NOS1AP: variants seen among roughly 807,000 people sequenced by gnomAD.
NOS1AP encodes the protein carboxyl-terminal PDZ ligand of neuronal nitric oxide synthase protein.
A neutral mutation model predicts 56.2 loss-of-function variants in NOS1AP; 21 were observed. That is an observed-to-expected ratio of 0.37 (90% CI 0.26 to 0.54). The LOEUF is 0.54. Ranked by LOEUF, NOS1AP falls within the 20% of genes least tolerant of loss-of-function variation. NOS1AP has a pLI of 0.84. For missense variants in NOS1AP, 522 were observed against 657.8 expected (o/e 0.79, Z 2.26); for synonymous variants, 270 against 274.6 (o/e 0.98, Z 0.17).
intron 6 of NOS1AP, among the ~76,000 whole-genome samples, chr1:162,344,586 C>A (rs185420052): frequency 3.9e-5 from 6 of 152,122 alleles, no homozygotes; most frequent in Admixed American, 1.3e-4. Context: ...TGGTACACGC[C>A]TATAGTCCCA....
In NOS1AP at chr1:162,357,070, C is replaced by G. The variant is rs746583542; in HGVS notation, c.873C>G (p.His291Gln). The G allele has an allele frequency of 2.9e-5, 46 of 1,612,884 alleles. No individual in the cohort carries two copies. Among genetic ancestry groups the G allele is most frequent in the Non-Finnish European group, 3.7e-5 (44 of 1,180,032 alleles). The change falls in exon 8 of 10, where the codon CAC becomes CAG. Residue 291 changes from histidine (H) to glutamine (Q), a missense_variant. His to Gln is a conservative substitution (Grantham distance 24). Transcript: ENST00000361897. Reference sequence around the variant, plus strand: ...CAGAGACACCGCTGTCCACTCACCACCAGATGCAGCTCCTCCAGCAGCTCC... The same window carrying G: ...CAGAGACACCGCTGTCCACTCACCAGCAGATGCAGCTCCTCCAGCAGCTCC... ...LGTETPLSTH[H>Q]QMQLLQQLLQ...
At chr1:162,267,249 T>C (rs757513086) in intron 2 of NOS1AP, among the ~76,000 whole-genome samples, 47 of 152,152 alleles carry the variant, frequency 3.1e-4, no homozygotes, top group Non-Finnish European at 5.4e-4. Context: ...GTGAAAAAAG[T>C]CTGCTTCTGT....
intron 9 of NOS1AP, 142 bp downstream of exon 9, chr1:162,365,711 C>A: frequency 2.0e-6 from 2 of 982,786 alleles, no homozygotes; most frequent in Admixed American, 2.0e-5. Flanking sequence ...GCTTTGTTTT[C>A]CCATTAGTAT....
At chr1:162,316,554 A>AC (rs1272238274) in intron 4 of NOS1AP, among the ~76,000 whole-genome samples, 1 of 152,078 alleles carries the variant, frequency 6.6e-6, no homozygotes, top group Non-Finnish European at 1.5e-5. Flanking sequence ...ATGTGAAGAG[A>AC]CCCCCAAACA....
Position 162,365,363 on chromosome 1 carries a change from C to T in NOS1AP, c.940-41C>T, listed in dbSNP as rs893424570. On this transcript the variant is annotated intron_variant, in intron 8 of 9. Coordinates refer to ENST00000361897, the MANE Select transcript of NOS1AP (RefSeq NM_014697.3). ...TCATGTGCATTCATGTCCCTCTCTT[C>T]TCTCTGTCCTGTCTTCTCTGCCGCT... The T allele has an allele frequency of 5.0e-6, 8 of 1,613,344 alleles. No individual in the cohort carries two copies. The African/African-American group carries it at 9.3e-5, about 19-fold the overall frequency.
chr1:162,264,000 G>GT (rs918416886), intron 2 of NOS1AP, among the ~76,000 whole-genome samples: 70 of 152,244 alleles, frequency 4.6e-4, no homozygotes, highest in African/African-American at 1.6e-3. Context: ...TGCTCTCTCC[G>GT]TCTCCAGCCA....
At position 162,221,341 on chromosome 1, in the gene NOS1AP, A is replaced by G. The variant is rs139001181; in HGVS notation, c.178-66003A>G. ...TTGAAGGCTTGCTGATTTTCTTTCT[A>G]TCTTTCTTTCTGCCTGTCTTACTGT... On this transcript the variant is annotated intron_variant, in intron 2 of 9. Coordinates refer to ENST00000361897, the MANE Select transcript of NOS1AP (RefSeq NM_014697.3). 1.7e-4 allele frequency among the ~76,000 whole-genome samples: 26 copies of G among 152,144 alleles called. No individual in the cohort carries two copies. In the East Asian group the frequency reaches 4.8e-3, roughly 28 times the overall value.
intron 3 of NOS1AP, among the ~76,000 whole-genome samples, chr1:162,296,591 A>G (rs981632255): frequency 3.9e-5 from 6 of 152,140 alleles, no homozygotes; most frequent in African/African-American, 1.4e-4. Flanking sequence ...GCTTCTGTAG[A>G]TCCTGCTAAT....
chr1:162,356,888 T>C (rs539292448), intron 7 of NOS1AP, 72 bp from the exon 8 acceptor site: 1 of 1,610,954 alleles, frequency 6.2e-7, no homozygotes, highest in Non-Finnish European at 8.5e-7. Context: ...CCTGAGTGCA[T>C]GCCAAAGAGA....
Position 162,086,698 on chromosome 1 carries a change from C to T in NOS1AP, c.105+16416C>T, listed in dbSNP as rs867511521. On this transcript the variant is annotated intron_variant, in intron 1 of 9. Transcript: ENST00000361897. The stretch of plus-strand genomic sequence containing the variant: ...CTGTAGTGATTTTGCTTCCCCTGAC[C>T]AGCCGAACTGTCATCTGAGTCATGT... Among the ~76,000 whole-genome samples the T allele has an allele frequency of 5.9e-5, 9 of 152,170 alleles. No individual in the cohort carries two copies. In the South Asian group the frequency reaches 8.3e-4, roughly 14 times the overall value.
chr1:162,235,525 G>T (rs920837040), intron 2 of NOS1AP, among the ~76,000 whole-genome samples: 1 of 152,218 alleles, frequency 6.6e-6, no homozygotes, highest in Non-Finnish European at 1.5e-5. Flanking sequence ...CTTGTCAAAG[G>T]CTCTTGCTGG....
intron 1 of NOS1AP, among the ~76,000 whole-genome samples, chr1:162,152,366 T>C (rs1268628671): frequency 6.6e-6 from 1 of 152,144 alleles, no homozygotes; most frequent in Non-Finnish European, 1.5e-5. Context: ...CTGCACAGCA[T>C]TCAGGGCAGG....
chr1:162,078,162 T>A (rs769179809), intron 1 of NOS1AP, among the ~76,000 whole-genome samples: 10 of 152,152 alleles, frequency 6.6e-5, no homozygotes, highest in Non-Finnish European at 1.5e-4. Flanking sequence ...TTCTATCTAC[T>A]CCCACTCTTC....
chr1:162,155,279 C>CATATATGTATATATAT (rs1238321747), intron 2 of NOS1AP, among the ~76,000 whole-genome samples: 3 of 136,606 alleles, frequency 2.2e-5, no homozygotes, highest in Admixed American at 7.4e-5. Context: ...CATACATATA[C>CATATATGTATATATAT]ACATATATAC....
At chr1:162,333,476 G>A (rs2067647) in intron 5 of NOS1AP, among the ~76,000 whole-genome samples, 14,659 of 152,160 alleles carry the variant, frequency 0.096, 1,063 homozygotes, top group African/African-American at 0.19. Flanking sequence ...TGATTAGGGG[G>A]CTACAAAATA....
At chr1:162,340,262 C>T (rs1293916923) in intron 5 of NOS1AP, among the ~76,000 whole-genome samples, 1 of 151,968 alleles carries the variant, frequency 6.6e-6, no homozygotes, top group Non-Finnish European at 1.5e-5. Flanking sequence ...AACTGTTTAC[C>T]ACTCAGTATG....
chr1:162,110,256 A>G (rs973886541), intron 1 of NOS1AP, among the ~76,000 whole-genome samples: 19 of 151,902 alleles, frequency 1.3e-4, no homozygotes, highest in African/African-American at 4.1e-4. Flanking sequence ...GCCCTAAGTT[A>G]TATGTAGACC....
chr1:162,301,399 C>T (rs897255162), intron 4 of NOS1AP, among the ~76,000 whole-genome samples: 3 of 152,120 alleles, frequency 2.0e-5, no homozygotes, highest in African/African-American at 4.8e-5. Context: ...CACTAGATGC[C>T]GAATCTGCCA....
intron 2 of NOS1AP, among the ~76,000 whole-genome samples, chr1:162,196,100 C>T (rs1171516483): frequency 6.6e-6 from 1 of 152,186 alleles, no homozygotes; most frequent in East Asian, 1.9e-4. Context: ...GTTACCAGTG[C>T]CTCAGTGCTT....
Sources: gnomAD v4.1 joint callset for allele counts (sites outside exome capture counted in the v4.1 genomes callset) on GRCh38, gnomAD v4.1.1 for gene constraint, MANE v1.5 for transcripts, NCBI Gene and HGNC (gene_info 2026-07-23, HGNC 2026-07-21) for gene names.